IQSEC3: variants seen among roughly 807,000 people sequenced by gnomAD.
IQSEC3 encodes IQ motif and SEC7 domain-containing protein 3.
Under a neutral mutation model 105.4 loss-of-function variants are expected in IQSEC3, and 50 were observed. That is an observed-to-expected ratio of 0.47 (90% confidence interval 0.38 to 0.60). IQSEC3 has a LOEUF of 0.60. Among genes scored for constraint, IQSEC3 ranks in the 20% least tolerant of loss-of-function variants. IQSEC3 has a pLI of 0.00. For synonymous variants in IQSEC3, 708 were observed against 746.0 expected (o/e 0.95, Z 0.83); for missense variants, 1,415 against 1,630.0 (o/e 0.87, Z 2.27).
At chr12:156,873 G>A (rs1431511138) in intron 5 of IQSEC3, 152 bp from the exon 6 acceptor site, 1 of 914,742 alleles carries the variant, frequency 1.1e-6, no homozygotes, top group Non-Finnish European at 1.5e-6. Flanking sequence ...GGGAGGAGAT[G>A]GTCCTCTTGG....
chr12:172,756 G>T (rs1406254625), intron 13 of IQSEC3, among the ~76,000 whole-genome samples: 1 of 152,192 alleles, frequency 6.6e-6, no homozygotes, highest in African/African-American at 2.4e-5. Flanking sequence ...TCATGAGCAG[G>T]GAGGTGAGAA....
chr12:132,564 C>G (rs1865636128), intron 3 of IQSEC3, among the ~76,000 whole-genome samples: 1 of 152,050 alleles, frequency 6.6e-6, no homozygotes, highest in African/African-American at 2.4e-5. Flanking sequence ...TGGTGACATT[C>G]TGGAAGGATA....
At chr12:97,639 A>C (rs1371646847) in intron 1 of IQSEC3, among the ~76,000 whole-genome samples, 1 of 151,828 alleles carries the variant, frequency 6.6e-6, no homozygotes, top group African/African-American at 2.4e-5. Flanking sequence ...ACATAGTGAG[A>C]CCTCTATCTC....
At chr12:91,490 G>T (rs1277463374) in intron 1 of IQSEC3, among the ~76,000 whole-genome samples, 1 of 152,128 alleles carries the variant, frequency 6.6e-6, no homozygotes, top group East Asian at 1.9e-4. Context: ...TAAGAAACAG[G>T]GAGGCCCAGC....
At chr12:121,001 C>T (rs546727805) in intron 2 of IQSEC3, among the ~76,000 whole-genome samples, 24 of 152,292 alleles carry the variant, frequency 1.6e-4, no homozygotes, top group African/African-American at 5.3e-4. Flanking sequence ...CACTGCCACT[C>T]GGAATGTTTC....
intron 9 of IQSEC3, among the ~76,000 whole-genome samples, chr12:163,867 C>A (rs565625684): frequency 6.6e-6 from 1 of 152,206 alleles, no homozygotes; most frequent in East Asian, 1.9e-4. Context: ...CTCGTGGTTG[C>A]ACAAACTGTT....
intron 13 of IQSEC3, among the ~76,000 whole-genome samples, chr12:172,232 C>G (rs1939042760): frequency 1.3e-5 from 2 of 151,574 alleles, no homozygotes; most frequent in South Asian, 4.2e-4. Context: ...TGGCCCCCCA[C>G]CCCCCACACA....
chr12:85,421 G>A (rs574821861), intron 1 of IQSEC3, among the ~76,000 whole-genome samples: 53 of 152,388 alleles, frequency 3.5e-4, no homozygotes, highest in African/African-American at 1.2e-3. Flanking sequence ...TGCAATTCAT[G>A]CTGTGCTGCC....
intron 1 of IQSEC3, among the ~76,000 whole-genome samples, chr12:88,739 C>A (rs1161742415): frequency 6.6e-6 from 1 of 152,116 alleles, no homozygotes; most frequent in Non-Finnish European, 1.5e-5. Context: ...TAGATTGCAC[C>A]AGTGAGCAAA....
chr12:102,853 C>CAAAGCCCTG (rs1470279322), intron 2 of IQSEC3, among the ~76,000 whole-genome samples: 1 of 152,186 alleles, frequency 6.6e-6, no homozygotes, highest in African/African-American at 2.4e-5. Flanking sequence ...ACGGGGCTGG[C>CAAAGCCCTG]AAAGCCCTGA....
At position 157,504 on chromosome 12, in the gene IQSEC3, G is replaced by A. The variant is rs202040999; in HGVS notation, c.2277-24G>A. ...GAGGGTGGGCGGGGGCTCAGCGTCC[G>A]CTCTGCATCTGACCCCCCCACAGCC... is the stretch of plus-strand genomic sequence containing the variant. On this transcript the variant is annotated intron_variant, in intron 6 of 13. Transcript: ENST00000538872. 66 of 1,600,164 alleles carry A rather than the reference G, an allele frequency of 4.1e-5. No homozygotes were observed. In the Admixed American group the frequency reaches 7.1e-4, roughly 17 times the overall value.
In IQSEC3 at chr12:138,471, C is replaced by T. The variant is rs782799379; in HGVS notation, c.1108C>T (p.Leu370Phe). The T allele has an allele frequency of 8.1e-6, 13 of 1,600,306 alleles. No homozygotes were observed. The highest frequency in any genetic ancestry group is 1.7e-5 in the Admixed American group (1 of 59,608). ...CGAGAGCCTGGCGGCCGAGAAAGCG[C>T]TCATGGAGGGCTACGGCCTCGTGGG... ...TAESLAAEKA[L>F]MEGYGLVGLP... The change falls in exon 4 of 14, where the codon CTC (leucine) becomes TTC (phenylalanine). Residue 370 changes from leucine (L) to phenylalanine (F), a missense_variant. Coordinates refer to ENST00000538872, the MANE Select transcript of IQSEC3 (RefSeq NM_001170738.2). This position sits in a 1 kb window ranked among gnomAD's most constrained non-coding sequence, Gnocchi z 7.1.
chr12:131,223 C>A (rs1335383855), intron 3 of IQSEC3, among the ~76,000 whole-genome samples: 8 of 152,360 alleles, frequency 5.3e-5, no homozygotes, highest in Admixed American at 3.3e-4. Context: ...GCCGCTGCTT[C>A]TTCTGGCAGA....
intron 1 of IQSEC3, among the ~76,000 whole-genome samples, chr12:75,091 T>C (rs1863466822): frequency 6.6e-6 from 1 of 152,286 alleles, no homozygotes. Context: ...TTCAAGGTTA[T>C]CCTCCTTGTT....
At position 138,986 on chromosome 12, in the gene IQSEC3, C is replaced by T. The variant is rs781833558; in HGVS notation, c.1623C>T (p.Pro541=). The T allele has an allele frequency of 2.0e-6, 3 of 1,535,850 alleles. No individual in the cohort carries two copies. The highest frequency in any genetic ancestry group is 2.6e-6 in the Non-Finnish European group (3 of 1,141,192). Residue 541 remains proline, a synonymous_variant, in exon 4 of 14, where the codon CCC becomes CCT. Coordinates refer to ENST00000538872, the MANE Select transcript of IQSEC3 (RefSeq NM_001170738.2). This position sits in a 1 kb window ranked among gnomAD's most constrained non-coding sequence, Gnocchi z 7.1. ...ETSGREAPEA[P]AVGREDASAE... The stretch of plus-strand genomic sequence containing the variant: ...CTGGGCGGGAGGCCCCGGAAGCCCC[C>T]GCCGTGGGCCGGGAGGACGCGTCAG...
rs1865844160 is a variant in IQSEC3, at chr12:138,113, G to A, written c.904-154G>A. 6.6e-6 allele frequency among the ~76,000 whole-genome samples: 1 copy of A among 152,044 alleles called. No individual in the cohort carries two copies. Among genetic ancestry groups the A allele is most frequent in the Non-Finnish European group, 1.5e-5 (1 of 67,992 alleles). ...CTTGCCACGTGGCCAGGACGTTCTA[G>A]GCGGTTCAGACTTTAGCTGCCCAGG... On this transcript the variant is annotated intron_variant, in intron 3 of 13. Transcript: ENST00000538872. This position sits in a 1 kb window ranked among gnomAD's most constrained non-coding sequence, Gnocchi z 7.1.
At chr12:171,020 C>A in intron 12 of IQSEC3, 92 bp from the exon 13 acceptor site, 1 of 1,514,924 alleles carries the variant, frequency 6.6e-7, no homozygotes, top group Non-Finnish European at 9.1e-7. Context: ...GACCCCAAGT[C>A]TTAGCTGCAG....
At chr12:163,691 T>C (rs753553124) in intron 9 of IQSEC3, 72 bp downstream of exon 9, 20 of 895,560 alleles carry the variant, frequency 2.2e-5, no homozygotes, top group Non-Finnish European at 3.5e-5. Context: ...CTGGGCAGGG[T>C]CCCTGAAGTG....
chr12:110,946 C>T (rs567690469), intron 2 of IQSEC3, among the ~76,000 whole-genome samples: 4 of 152,120 alleles, frequency 2.6e-5, no homozygotes, highest in Non-Finnish European at 4.4e-5. Context: ...CTAATTCTTT[C>T]CTCTAGTTTG....
Sources: allele counts gnomAD v4.1 joint callset (sites outside exome capture counted in the v4.1 genomes callset), GRCh38; gene constraint gnomAD v4.1.1; non-coding constraint Gnocchi (gnomAD v3.1); transcripts MANE v1.5; gene names NCBI Gene and HGNC (gene_info 2026-07-23, HGNC 2026-07-21).